TCL1A: variants seen among roughly 807,000 people sequenced by gnomAD.
The protein encoded by TCL1A is T-cell leukemia/lymphoma protein 1A.
A neutral mutation model predicts 16.9 loss-of-function variants in TCL1A; 9 were observed. That is an observed-to-expected ratio of 0.53 (90% CI 0.32 to 0.93). TCL1A has a LOEUF of 0.93. TCL1A is among the 40% of genes least tolerant of loss of function. The probability of loss-of-function intolerance (pLI) is 0.04; values close to 1 mark genes in which losing one functional copy is unlikely to be tolerated. For synonymous variants in TCL1A, 69 were observed against 63.2 expected (o/e 1.09, Z -0.44); for missense variants, 139 against 153.0 (o/e 0.91, Z 0.48).
Position 95,712,308 on chromosome 14 carries a change from C to G in TCL1A, c.209G>C (p.Ser70Thr), listed in dbSNP as rs1436329675. 6.2e-7 allele frequency: 1 copy of G among 1,614,084 alleles called. No individual in the cohort carries two copies. The highest frequency in any genetic ancestry group is 8.5e-7 in the Non-Finnish European group (1 of 1,180,048). ...GAGCTGCCACATGATAGGCAGCAGG[C>G]TTGGGCCTATCTGGGTGGGGGTCAT... ...RPMTPTQIGP[S>T]LLPIMWQLYP... The change falls in exon 2 of 4, where the codon AGC becomes ACC. Residue 70 changes from serine (S) to threonine (T), a missense_variant. This residue lies in a region of TCL1A where 45 missense variants were observed against 72.8 expected (regional missense o/e 0.62). Coordinates refer to ENST00000402399, the MANE Select transcript of TCL1A (RefSeq NM_021966.3).
At chr14:95,712,175 C>A in intron 2 of TCL1A, 45 bp downstream of exon 2, 1 of 1,611,696 alleles carries the variant, frequency 6.2e-7, no homozygotes, top group African/African-American at 1.3e-5. Context: ...TGGAGGAGGG[C>A]AAACCCAAGA....
chr14:95,714,051 T>C lies in TCL1A; in HGVS notation c.16A>G (p.Thr6Ala), dbSNP rs1039209752. The change falls in exon 1 of 4, where the codon ACA (threonine) becomes GCA (alanine). Residue 6 changes from threonine to alanine, a missense_variant. By Grantham distance (58) the Thr-to-Ala change is moderately conservative (BLOSUM62 0). Transcript: ENST00000402399. ...TGGTCGGTGACTGCCTCCCCGAGTG[T>C]CGGGCACTCGGCCATGGCGTCCTCG... MAECP[T>A]LGEAVTDHPD... 1 of 1,613,924 alleles carries C rather than the reference T, an allele frequency of 6.2e-7. No homozygotes were observed. The highest frequency in any genetic ancestry group is 8.5e-7 in the Non-Finnish European group (1 of 1,180,010).
In TCL1A at chr14:95,714,042, C is replaced by T. The variant is rs1886493750; in HGVS notation, c.25G>A (p.Glu9Lys). 1.2e-6 allele frequency: 2 copies of T among 1,614,064 alleles called. No homozygotes were observed. The highest frequency in any genetic ancestry group is 1.3e-5 in the African/African-American group (1 of 75,080). MAECPTLG[E>K]AVTDHPDRLW... ...CGGTCCGGGTGGTCGGTGACTGCCT[C>T]CCCGAGTGTCGGGCACTCGGCCATG... Residue 9 changes from glutamate (E) to lysine (K), a missense_variant, in exon 1 of 4, where the codon GAG becomes AAG. Around this residue, in one of 2 missense-constraint regions of TCL1A, gnomAD observed 94 missense variants for 80.2 expected, o/e 1.17. Transcript: ENST00000402399.
At chr14:95,711,634 C>T in intron 3 of TCL1A, 115 bp downstream of exon 3, 2 of 1,241,434 alleles carry the variant, frequency 1.6e-6, no homozygotes, top group Non-Finnish European at 2.3e-6. Context: ...CCCTAGGGAC[C>T]CTCAGATGGC....
Position 95,713,957 on chromosome 14 carries a change from A to G in TCL1A, c.110T>C (p.Leu37Ser), listed in dbSNP as rs532088384. 6.2e-7 allele frequency: 1 copy of G among 1,613,810 alleles called. No individual in the cohort carries two copies. The highest frequency in any genetic ancestry group is 8.5e-7 in the Non-Finnish European group (1 of 1,180,004). The change falls in exon 1 of 4, where the codon TTA (leucine) becomes TCA (serine). Residue 37 changes from leucine to serine, a missense_variant. Leu to Ser is a moderately radical substitution (Grantham distance 145). Transcript: ENST00000402399. ...LDEKQHAWLPLTIEIKDRLQL... is the reference protein window; with the variant it reads ...LDEKQHAWLPSTIEIKDRLQL... ...CAAAGCTGGCTGTACCTCGATGGTTAAGGGCAGCCAGGCGTGCTGCTTCTC... is the reference window on the plus strand; with the variant it reads ...CAAAGCTGGCTGTACCTCGATGGTTGAGGGCAGCCAGGCGTGCTGCTTCTC...
In TCL1A at chr14:95,712,399, G is replaced by T; in HGVS notation, c.121-3C>A. 1 of 1,596,330 alleles carries T rather than the reference G, an allele frequency of 6.3e-7. No individual in the cohort carries two copies. Among genetic ancestry groups the T allele is most frequent in the Admixed American group, 1.7e-5 (1 of 58,678 alleles). The stretch of plus-strand genomic sequence containing the variant: ...CGTAACTGTAACCTATCCTTTATCT[G>T]AGGAGAAGAAAAGGACAGGGCATAC... On this transcript the variant is annotated splice_polypyrimidine_tract_variant and splice_region_variant and intron_variant, in intron 1 of 3. Coordinates refer to ENST00000402399, the MANE Select transcript of TCL1A (RefSeq NM_021966.3).
intron 2 of TCL1A, 56 bp downstream of exon 2, chr14:95,712,164 A>G (rs1886372779): frequency 3.7e-6 from 6 of 1,602,304 alleles, no homozygotes; most frequent in Admixed American, 3.3e-5. Flanking sequence ...AAGGCCAGAC[A>G]TGGAGGAGGG....
intron 1 of TCL1A, among the ~76,000 whole-genome samples, chr14:95,712,951 G>C (rs972082747): frequency 2.0e-5 from 3 of 152,084 alleles, no homozygotes; most frequent in African/African-American, 7.2e-5. Flanking sequence ...CGTTGAAGAA[G>C]AGATTTCTCA....
In TCL1A at chr14:95,711,740, G is replaced by A. The variant is rs556757039; in HGVS notation, c.*6+9C>T. 3.7e-5 allele frequency: 60 copies of A among 1,613,068 alleles called. No individual in the cohort carries two copies. In the Admixed American group the frequency reaches 5.0e-4, roughly 13 times the overall value. ...GGACTAAGAGGGGTCAGGCTCCAGT[G>A]GAGCTCACCATACATCAGTCATCTG... On this transcript the variant is annotated intron_variant, in intron 3 of 3. Coordinates refer to ENST00000402399, the MANE Select transcript of TCL1A (RefSeq NM_021966.3).
intron 1 of TCL1A, 111 bp downstream of exon 1, chr14:95,713,836 T>TA: frequency 6.7e-7 from 1 of 1,498,042 alleles, no homozygotes; most frequent in South Asian, 1.3e-5. Flanking sequence ...TCTGTGGGGA[T>TA]CCTCCCTGCC....
At chr14:95,711,475 A>G (rs994837134) in intron 3 of TCL1A, 5 of 371,852 alleles carry the variant, frequency 1.3e-5, no homozygotes, top group Non-Finnish European at 2.5e-5. Flanking sequence ...CTCAAAAAAA[A>G]AAAAAAGCAA....
At position 95,714,048 on chromosome 14, in the gene TCL1A, G is replaced by C. The variant is rs773793274; in HGVS notation, c.19C>G (p.Leu7Val). MAECPTLGEAVTDHPDR... is the reference protein window; with the variant it reads MAECPTVGEAVTDHPDR... Reference sequence around the variant, plus strand: ...GGGTGGTCGGTGACTGCCTCCCCGAGTGTCGGGCACTCGGCCATGGCGTCC... The same window carrying C: ...GGGTGGTCGGTGACTGCCTCCCCGACTGTCGGGCACTCGGCCATGGCGTCC... Residue 7 changes from leucine to valine, a missense_variant, in exon 1 of 4, where the codon CTC becomes GTC. Physicochemically the swap from Leu to Val is conservative, Grantham distance 32. Around this residue, in one of 2 missense-constraint regions of TCL1A, gnomAD observed 94 missense variants for 80.2 expected, o/e 1.17. Coordinates refer to ENST00000402399, the MANE Select transcript of TCL1A (RefSeq NM_021966.3). 1 of 1,614,004 alleles carries C rather than the reference G, an allele frequency of 6.2e-7. No homozygotes were observed. Among genetic ancestry groups the C allele is most frequent in the Non-Finnish European group, 8.5e-7 (1 of 1,180,026 alleles).
At position 95,711,801 on chromosome 14, in the gene TCL1A, A is replaced by G. The variant is rs373576522; in HGVS notation, c.299T>C (p.Ile100Thr). The G allele has an allele frequency of 1.1e-5, 17 of 1,611,008 alleles. No individual in the cohort carries two copies. The African/African-American group carries it at 2.0e-4, about 19-fold the overall frequency. Residue 100 changes from isoleucine to threonine, a missense_variant and splice_region_variant, in exon 3 of 4, where the codon ATT (isoleucine) becomes ACT (threonine). Physicochemically the swap from Ile to Thr is moderately conservative, Grantham distance 89 (BLOSUM62 -1). Coordinates refer to ENST00000402399, the MANE Select transcript of TCL1A (RefSeq NM_021966.3). ...SFWRLVYHIK[I>T]DGVEDMLLEL... is the part of the protein sequence containing the mutation. ...GAGAAGCATGTCCTCCACGCCGTCA[A>G]TCTGAGAGGCAGAGAGAGAGAGAAG...
intron 1 of TCL1A, among the ~76,000 whole-genome samples, chr14:95,713,230 CTGGACATACGTGTTCTA>C (rs1013893325): frequency 6.6e-6 from 1 of 152,188 alleles, no homozygotes; most frequent in Non-Finnish European, 1.5e-5. Flanking sequence ...TTGATTGCTA[CTGGACATACGTGTTCTA>C]ATATATTTTT....
At chr14:95,713,412 T>A (rs1457118919) in intron 1 of TCL1A, among the ~76,000 whole-genome samples, 1 of 152,316 alleles carries the variant, frequency 6.6e-6, no homozygotes, top group African/African-American at 2.4e-5. Context: ...GCATCACACA[T>A]TAAAAAAGTC....
intron 1 of TCL1A, chr14:95,712,597 G>A: frequency 6.7e-7 from 1 of 1,486,890 alleles, no homozygotes; most frequent in Non-Finnish European, 8.9e-7. Flanking sequence ...GCTGGGCCAG[G>A]ACCACCAGCA....
Position 95,711,818 on chromosome 14 carries a change from A to C in TCL1A, c.298-16T>G. On this transcript the variant is annotated splice_polypyrimidine_tract_variant and intron_variant, in intron 2 of 3. Coordinates refer to ENST00000402399, the MANE Select transcript of TCL1A (RefSeq NM_021966.3). The stretch of plus-strand genomic sequence containing the variant: ...CGCCGTCAATCTGAGAGGCAGAGAG[A>C]GAGAGAAGGCATTGATCGGCCAGAG... The C allele has an allele frequency of 6.2e-7, 1 of 1,608,308 alleles. No individual in the cohort carries two copies. The highest frequency in any genetic ancestry group is 8.5e-7 in the Non-Finnish European group (1 of 1,179,824).
In TCL1A at chr14:95,712,006, G is replaced by A. The variant is rs76003389; in HGVS notation, c.298-204C>T. 3,700 of 863,672 alleles carry A rather than the reference G, an allele frequency of 4.3e-3. 90 individuals are homozygous for A. The African/African-American group carries it at 0.057, about 13-fold the overall frequency. 53.5% of individuals were successfully genotyped at this position (863,672 alleles called of 1,614,324 possible). A position where few individuals can be genotyped will look rare whatever the true frequency, so the allele number is the denominator to read the frequency against. On this transcript the variant is annotated intron_variant, in intron 2 of 3. Transcript: ENST00000402399. ...AGAGATGTCTTCCTGCGGCTAGCTG[G>A]TGGCTGGGAGGAAGTGGAGGTAGGG... is the stretch of plus-strand genomic sequence containing the variant.
rs934485385 is a variant in TCL1A at position 95,710,515 on chromosome 14, G to A, written c.*373C>T. 5 of 152,760 alleles carry A rather than the reference G, an allele frequency of 3.3e-5. No individual in the cohort carries two copies. The highest frequency in any genetic ancestry group is 1.3e-4 in the Admixed American group (2 of 15,282). The allele number at this position is 152,760 out of a possible 1,614,324, so 9.5% of individuals were successfully genotyped here. A position where few individuals can be genotyped will look rare whatever the true frequency, so the allele number is the denominator to read the frequency against. ...ATCGGCTGTGTTCTCACAAGTTCAC[G>A]GAGCTGAGTGGGTGTGCAACATGAA... On this transcript the variant is annotated 3_prime_UTR_variant, in exon 4 of 4. Coordinates refer to ENST00000402399, the MANE Select transcript of TCL1A (RefSeq NM_021966.3).
Sources: allele counts gnomAD v4.1 joint callset (sites outside exome capture counted in the v4.1 genomes callset), GRCh38; gene constraint gnomAD v4.1.1; regional missense constraint gnomAD v4.1.1; transcripts MANE v1.5; gene names NCBI Gene and HGNC (gene_info 2026-07-23, HGNC 2026-07-21).